The following VWA3B variants were observed in gnomAD, a reference collection of about 807,000 sequenced individuals.
VWA3B encodes the protein von Willebrand factor A domain containing 3B, also known as von Willebrand factor A domain-containing protein 3B.
Under a neutral mutation model 158.3 loss-of-function variants are expected in VWA3B, and 138 were observed. The ratio of observed to expected loss-of-function variants is 0.87; its 90% confidence interval spans 0.76 to 1.00. The LOEUF is 1.00. VWA3B is among the 50% of genes least tolerant of loss of function. The probability of loss-of-function intolerance (pLI) is 0.00; values close to 1 mark genes in which losing one functional copy is unlikely to be tolerated. For missense variants in VWA3B, 1,555 were observed against 1,565.1 expected (o/e 0.99, Z 0.11); for synonymous variants, 596 against 587.3 (o/e 1.01, Z -0.21).
intron 25 of VWA3B, among the ~76,000 whole-genome samples, chr2:98,301,019 G>C (rs989980039): frequency 6.6e-6 from 1 of 152,252 alleles, no homozygotes; most frequent in Middle Eastern, 3.4e-3. Flanking sequence ...GGCCAGGTGC[G>C]GTGGCTCACG....
intron 20 of VWA3B, among the ~76,000 whole-genome samples, chr2:98,250,849 G>C (rs1239378821): frequency 6.6e-6 from 1 of 151,996 alleles, no homozygotes; most frequent in Non-Finnish European, 1.5e-5. Context: ...TACATCATAT[G>C]CCTGTATCAA....
intron 7 of VWA3B, among the ~76,000 whole-genome samples, chr2:98,154,227 T>C (rs1677873327): frequency 6.6e-6 from 1 of 152,212 alleles, no homozygotes; most frequent in South Asian, 2.1e-4. Context: ...AAACATCTCC[T>C]GTGTGCTTTA....
At chr2:98,141,811 C>CCA (rs1437555371) in intron 7 of VWA3B, among the ~76,000 whole-genome samples, 1 of 152,130 alleles carries the variant, frequency 6.6e-6, no homozygotes, top group African/African-American at 2.4e-5. Flanking sequence ...TTCCAGGAGG[C>CCA]CACACCCCTC....
At chr2:98,106,344 G>A (rs2104880723) in intron 2 of VWA3B, among the ~76,000 whole-genome samples, 1 of 151,156 alleles carries the variant, frequency 6.6e-6, no homozygotes, top group African/African-American at 2.4e-5. Context: ...TTTCAAAATT[G>A]TTTTAGCTAC....
At chr2:98,294,218 A>C in intron 23 of VWA3B, among the ~76,000 whole-genome samples, 1 of 151,732 alleles carries the variant, frequency 6.6e-6, no homozygotes, top group East Asian at 1.9e-4. Context: ...AAAAAAAAAA[A>C]AAAAAAAAAA....
At chr2:98,124,193 A>G (rs1200400829) in intron 5 of VWA3B, among the ~76,000 whole-genome samples, 1 of 152,178 alleles carries the variant, frequency 6.6e-6, no homozygotes, top group Admixed American at 6.5e-5. Context: ...TGTGTCTCTG[A>G]TGCCTAACAA....
intron 12 of VWA3B, among the ~76,000 whole-genome samples, chr2:98,208,652 A>G (rs1274539666): frequency 3.9e-5 from 6 of 152,114 alleles, no homozygotes; most frequent in Admixed American, 3.9e-4. Flanking sequence ...TAGCAACCTT[A>G]CTTCTATTTA....
Position 98,114,817 on chromosome 2 carries a change from T to G in VWA3B, c.197-835T>G, listed in dbSNP as rs540451291. Among the ~76,000 whole-genome samples the G allele has an allele frequency of 1.4e-3, 208 of 152,290 alleles. 1 individual carries two copies. The highest frequency in any genetic ancestry group is 4.8e-3 in the African/African-American group (200 of 41,548). On this transcript the variant is annotated intron_variant, in intron 2 of 27. Transcript: ENST00000477737. ...GGCAACAAGAAGGAGTAGGACTATG[T>G]TGTAGGTAACAATTGTATTCCTATC...
intron 17 of VWA3B, 108 bp from the exon 18 acceptor site, chr2:98,236,282 T>G: frequency 8.3e-7 from 1 of 1,198,776 alleles, no homozygotes; most frequent in Non-Finnish European, 1.2e-6. Context: ...ATGTGGTCCA[T>G]TTATTAGCTC....
chr2:98,211,028 C>G (rs116152527), intron 12 of VWA3B, among the ~76,000 whole-genome samples: 1 of 152,202 alleles, frequency 6.6e-6, no homozygotes, highest in Non-Finnish European at 1.5e-5. Context: ...CAGCATCCAG[C>G]GCTCTGCAGT....
At chr2:98,317,742 A>G (rs2106039463), downstream of VWA3B, among the ~76,000 whole-genome samples, 1 of 152,316 alleles carries the variant, frequency 6.6e-6, no homozygotes, top group African/African-American at 2.4e-5. Context: ...ATGTCTCCCT[A>G]AAATGTATAA....
At chr2:98,105,925 A>G (rs1673610906) in intron 2 of VWA3B, among the ~76,000 whole-genome samples, 2 of 150,744 alleles carry the variant, frequency 1.3e-5, no homozygotes, top group African/African-American at 2.4e-5. Flanking sequence ...TATTTGATTT[A>G]TTTTTTTTGA....
the VWA3B span, among the ~76,000 whole-genome samples, chr2:98,330,414 C>T: frequency 6.6e-6 from 1 of 152,130 alleles, no homozygotes; most frequent in East Asian, 1.9e-4. Flanking sequence ...TATCCTACAC[C>T]TTGTGCCCAT....
intron 22 of VWA3B, among the ~76,000 whole-genome samples, chr2:98,289,914 T>C (rs1689385261): frequency 6.6e-6 from 1 of 152,328 alleles, no homozygotes; most frequent in African/African-American, 2.4e-5. Flanking sequence ...ATAAAAGTTG[T>C]GGAGGGCAGA....
In VWA3B at chr2:98,312,278, G is replaced by A; in HGVS notation, c.3814G>A (p.Ala1272Thr). ...HAIIATPPPR[A>T]ALPCTLQATH... The stretch of plus-strand genomic sequence containing the variant: ...CATCATTGCCACACCTCCACCTCGA[G>A]CAGCCCTGCCCTGTACTCTCCAAGC... Residue 1272 changes from alanine to threonine, a missense_variant, in exon 28 of 28, where the codon GCA becomes ACA. Coordinates refer to ENST00000477737, the MANE Select transcript of VWA3B (RefSeq NM_144992.5). 1 of 1,614,114 alleles carries A rather than the reference G, an allele frequency of 6.2e-7. No homozygotes were observed. Among genetic ancestry groups the A allele is most frequent in the Non-Finnish European group, 8.5e-7 (1 of 1,180,024 alleles).
At chr2:98,261,246 A>G (rs568162883) in intron 21 of VWA3B, among the ~76,000 whole-genome samples, 3 of 151,930 alleles carry the variant, frequency 2.0e-5, no homozygotes, top group Admixed American at 6.6e-5. Flanking sequence ...ATTTATAACA[A>G]TCTTGTTTGA....
chr2:98,319,105 C>G, the VWA3B span, among the ~76,000 whole-genome samples: 7 of 152,098 alleles, frequency 4.6e-5, no homozygotes, highest in East Asian at 5.8e-4. Context: ...GGTGGCATCT[C>G]AAATCACTGA....
chr2:98,191,197 T>G (rs945485487), intron 10 of VWA3B, among the ~76,000 whole-genome samples: 2 of 152,252 alleles, frequency 1.3e-5, no homozygotes, highest in Non-Finnish European at 2.9e-5. Flanking sequence ...TGGGTCTATT[T>G]AAATATCTTC....
chr2:98,162,035 C>G lies in VWA3B; in HGVS notation c.989-816C>G, dbSNP rs376290201. Among the ~76,000 whole-genome samples, 49 of 152,248 alleles carry G rather than the reference C, an allele frequency of 3.2e-4. No individual in the cohort carries two copies. The East Asian group carries it at 5.4e-3, about 17-fold the overall frequency. On this transcript the variant is annotated intron_variant, in intron 7 of 27. Transcript: ENST00000477737. ...GCCCATCTATTCTTTACCCACTTTC[C>G]CCCATAGTAACATAGTACCACAGCA...
Sources: gnomAD v4.1 joint callset for allele counts (sites outside exome capture counted in the v4.1 genomes callset) on GRCh38, gnomAD v4.1.1 for gene constraint, MANE v1.5 for transcripts, NCBI Gene and HGNC (gene_info 2026-07-23, HGNC 2026-07-21) for gene names.